The following FMNL2 variants were observed in gnomAD, a reference collection of about 807,000 sequenced individuals.
FMNL2 encodes the protein formin-like protein 2.
A neutral mutation model predicts 130.2 loss-of-function variants in FMNL2; 51 were observed. The ratio of observed to expected loss-of-function variants is 0.39; its 90% CI spans 0.31 to 0.49. The LOEUF (loss-of-function observed/expected upper bound fraction) is 0.49. Ranked by LOEUF, FMNL2 falls within the 20% of genes least tolerant of loss-of-function variation. The probability of loss-of-function intolerance (pLI) is 0.85; values close to 1 mark genes in which losing one functional copy is unlikely to be tolerated. For missense variants in FMNL2, 977 were observed against 1,316.2 expected, an observed-to-expected ratio of 0.74 and a Z score of 3.99; for synonymous variants, 465 against 467.1, an observed-to-expected ratio of 1.00 and a Z score of 0.06.
intron 6 of FMNL2, among the ~76,000 whole-genome samples, chr2:152,572,208 A>G (rs187540507): frequency 1.3e-5 from 2 of 152,212 alleles, no homozygotes. Context: ...GACATCCTAC[A>G]GGGTGACTGA....
intron 15 of FMNL2, chr2:152,620,942 C>T (rs1338250298): frequency 1.1e-5 from 11 of 985,288 alleles, no homozygotes; most frequent in East Asian, 1.1e-4. Flanking sequence ...AGATCTTCCC[C>T]GTCTACCACT....
chr2:152,619,731 A>G lies in FMNL2; in HGVS notation c.1837+13A>G, dbSNP rs369059147. On this transcript the variant is annotated intron_variant, in intron 15 of 25. Coordinates refer to ENST00000288670, the MANE Select transcript of FMNL2 (RefSeq NM_052905.4). ...TCAGGATTAGCAGGTAAGAGCACAG[A>G]ATTCAAACCCAGGTACTCATATCAG... is the stretch of plus-strand genomic sequence containing the variant. 59 of 1,605,542 alleles carry G rather than the reference A, an allele frequency of 3.7e-5. No individual in the cohort carries two copies. The African/African-American group carries it at 5.9e-4, about 16-fold the overall frequency.
chr2:152,542,219 C>T (rs1694350010), intron 2 of FMNL2, among the ~76,000 whole-genome samples: 1 of 152,162 alleles, frequency 6.6e-6, no homozygotes, highest in South Asian at 2.1e-4. Context: ...TCCCACATTC[C>T]AGCAATTGAC....
intron 9 of FMNL2, among the ~76,000 whole-genome samples, chr2:152,603,503 C>T (rs1476338420): frequency 7.0e-6 from 1 of 141,878 alleles, no homozygotes; most frequent in African/African-American, 2.5e-5. Context: ...TCTAAAGAAA[C>T]ACATATATTC....
Position 152,619,591 on chromosome 2 carries a change from G to T in FMNL2, c.1710G>T (p.Pro570=). 1 of 475,528 alleles carries T rather than the reference G, an allele frequency of 2.1e-6. No individual in the cohort carries two copies. Among genetic ancestry groups the T allele is most frequent in the East Asian group, 1.2e-4 (1 of 8,536 alleles). The allele number at this position is 475,528 out of a possible 1,614,324, so 29.5% of individuals were successfully genotyped here. Residue 570 remains proline (P), a synonymous_variant, in exon 15 of 26, where the codon CCG becomes CCT. Transcript: ENST00000288670. ...CTCCTCCTCCCCCACCGCCCCCTCC[G>T]CCTCCTCCTCTCCCAGGCCCTGCAG... The part of the protein sequence containing the change: ...PPPPPPPPPP[P]PPPLPGPAAE...
chr2:152,401,042 G>T lies in FMNL2; in HGVS notation c.117+65322G>T, dbSNP rs371695205. Among the ~76,000 whole-genome samples the T allele has an allele frequency of 4.8e-4, 73 of 152,336 alleles. No individual in the cohort carries two copies. The South Asian group carries it at 0.015, about 31-fold the overall frequency. The stretch of plus-strand genomic sequence containing the variant: ...AAAGTTACATGTAGGAAGATGTTGG[G>T]AATTATCCTGTGAAACAGTTTCATG... On this transcript the variant is annotated intron_variant, in intron 1 of 25. Transcript: ENST00000288670.
At chr2:152,623,624 G>A (rs1037465432) in intron 15 of FMNL2, among the ~76,000 whole-genome samples, 1 of 152,104 alleles carries the variant, frequency 6.6e-6, no homozygotes, top group Non-Finnish European at 1.5e-5. Flanking sequence ...TTAGTCGTGT[G>A]TTGCTTTTAT....
chr2:152,349,975 T>TGAAC (rs1243273135), intron 1 of FMNL2, among the ~76,000 whole-genome samples: 1 of 152,186 alleles, frequency 6.6e-6, no homozygotes, highest in Admixed American at 6.5e-5. Context: ...TGGGATCGAT[T>TGAAC]GAACGTCTGC....
At chr2:152,424,371 C>G (rs939048512) in intron 1 of FMNL2, among the ~76,000 whole-genome samples, 1 of 150,094 alleles carries the variant, frequency 6.7e-6, no homozygotes, top group Non-Finnish European at 1.5e-5. Context: ...TGATTTGCTG[C>G]TTGTGTTTTT....
chr2:152,604,310 A>C (rs1354980536), intron 9 of FMNL2, among the ~76,000 whole-genome samples: 7 of 151,022 alleles, frequency 4.6e-5, no homozygotes. Flanking sequence ...AGAGAAGTCT[A>C]ATCTCTGTGT....
intron 6 of FMNL2, among the ~76,000 whole-genome samples, chr2:152,574,793 A>C (rs1166710625): frequency 6.6e-6 from 1 of 152,232 alleles, no homozygotes; most frequent in African/African-American, 2.4e-5. Flanking sequence ...ACTGAGGTTA[A>C]AATAAGAAAG....
At chr2:152,469,993 GA>G (rs1391649758) in intron 1 of FMNL2, among the ~76,000 whole-genome samples, 1 of 152,114 alleles carries the variant, frequency 6.6e-6, no homozygotes, top group Non-Finnish European at 1.5e-5. Context: ...TTATTCCTAG[GA>G]AACCTTTTTA....
At chr2:152,404,229 A>C (rs1310486690) in intron 1 of FMNL2, among the ~76,000 whole-genome samples, 3 of 152,222 alleles carry the variant, frequency 2.0e-5, no homozygotes, top group Non-Finnish European at 2.9e-5. Context: ...TCTTCAATGA[A>C]TGTAACTGTT....
chr2:152,388,293 G>A (rs1380994152), intron 1 of FMNL2, among the ~76,000 whole-genome samples: 1 of 152,092 alleles, frequency 6.6e-6, no homozygotes, highest in African/African-American at 2.4e-5. Flanking sequence ...CGTTAGACTG[G>A]GTATTTATAA....
At chr2:152,450,306 A>G (rs59579926) in intron 1 of FMNL2, among the ~76,000 whole-genome samples, 1,889 of 152,336 alleles carry the variant, frequency 0.012, 38 homozygotes, top group African/African-American at 0.04. Flanking sequence ...TAACAAATCA[A>G]CAACAGTTTC....
chr2:152,640,942 A>G (rs1453429175), intron 25 of FMNL2, 28 bp downstream of exon 25: 1 of 1,612,400 alleles, frequency 6.2e-7, no homozygotes, highest in Admixed American at 1.7e-5. Flanking sequence ...ACTGTGGCCC[A>G]TGGAGATCCC....
chr2:152,639,428 G>A (rs568845873), intron 23 of FMNL2, among the ~76,000 whole-genome samples: 1 of 152,144 alleles, frequency 6.6e-6, no homozygotes, highest in Non-Finnish European at 1.5e-5. Flanking sequence ...GAGCTGAGGT[G>A]AGCCTATTCA....
intron 9 of FMNL2, among the ~76,000 whole-genome samples, chr2:152,589,735 G>A (rs902791811): frequency 5.3e-5 from 8 of 151,708 alleles, no homozygotes; most frequent in Non-Finnish European, 7.4e-5. Context: ...TTCAGTCTCC[G>A]GGCAGGATTT....
At chr2:152,463,913 T>C (rs1262726604) in intron 1 of FMNL2, among the ~76,000 whole-genome samples, 1 of 152,174 alleles carries the variant, frequency 6.6e-6, no homozygotes, top group Non-Finnish European at 1.5e-5. Context: ...GATGGTTAAT[T>C]TTCTTTCTTC....
Sources: allele counts gnomAD v4.1 joint callset (sites outside exome capture counted in the v4.1 genomes callset), GRCh38; gene constraint gnomAD v4.1.1; transcripts MANE v1.5; gene names NCBI Gene and HGNC (gene_info 2026-07-23, HGNC 2026-07-21).